MMS19: variants seen among roughly 807,000 people sequenced by gnomAD.
The protein encoded by MMS19 is MMS19 nucleotide excision repair protein homolog.
MMS19 carries 77 observed loss-of-function variants against 129.8 expected under a neutral mutation model. The observed-to-expected ratio is 0.59, with a 90% CI of 0.49 to 0.72. The LOEUF (loss-of-function observed/expected upper bound fraction) is 0.72, where lower values mean the gene tolerates loss of function less well. Among genes scored for constraint, MMS19 ranks in the 30% least tolerant of loss-of-function variants. MMS19 has a pLI of 0.00. For synonymous variants in MMS19, 491 were observed against 502.8 expected (o/e 0.98, Z 0.31); for missense variants, 1,168 against 1,266.3 (o/e 0.92, Z 1.18).
chr10:97,490,978 C>A (rs987402344), intron 1 of MMS19, among the ~76,000 whole-genome samples: 7 of 152,180 alleles, frequency 4.6e-5, no homozygotes, highest in Admixed American at 4.6e-4. Flanking sequence ...GGGTTCTATA[C>A]CCAATTCCTT....
intron 1 of MMS19, among the ~76,000 whole-genome samples, chr10:97,493,085 C>T (rs1330956754): frequency 2.0e-5 from 3 of 151,872 alleles, no homozygotes; most frequent in African/African-American, 7.3e-5. Context: ...ATCTTTGGCT[C>T]AATGTAACCT....
At chr10:97,475,750 C>A (rs2035639048) in intron 8 of MMS19, among the ~76,000 whole-genome samples, 1 of 151,786 alleles carries the variant, frequency 6.6e-6, no homozygotes. Flanking sequence ...AAAGCAAAAA[C>A]CAAACCAAAA....
chr10:97,473,238 G>T (rs2035100965), intron 8 of MMS19, among the ~76,000 whole-genome samples: 1 of 151,894 alleles, frequency 6.6e-6, no homozygotes, highest in African/African-American at 2.4e-5. Context: ...ATTCCACCAT[G>T]TTGGTCAGGC....
chr10:97,461,230 A>G, intron 23 of MMS19: 2 of 605,736 alleles, frequency 3.3e-6, no homozygotes, highest in Non-Finnish European at 5.8e-6. Flanking sequence ...CTTCCAATAA[A>G]GAATTATCCA....
chr10:97,458,979 A>G (rs920936894), intron 29 of MMS19, 79 bp from the exon 30 acceptor site: 51 of 1,409,016 alleles, frequency 3.6e-5, no homozygotes, highest in African/African-American at 5.7e-5. Context: ...TGTACAACTA[A>G]TATTCTGAGG....
Position 97,458,512 on chromosome 10 carries a change from C to A in MMS19, c.*180G>T, listed in dbSNP as rs564647311. Reference sequence around the variant, plus strand: ...TCTCACACACACTTATTTTACAAATCCACTAGAAATATGGACTCTTATGTT... The same window carrying A: ...TCTCACACACACTTATTTTACAAATACACTAGAAATATGGACTCTTATGTT... On this transcript the variant is annotated 3_prime_UTR_variant, in exon 31 of 31. Coordinates refer to ENST00000438925, the MANE Select transcript of MMS19 (RefSeq NM_022362.5). 45 of 619,614 alleles carry A rather than the reference C, an allele frequency of 7.3e-5. 1 individual carries two copies. The East Asian group carries it at 1.0e-3, about 14-fold the overall frequency. 38.4% of individuals were successfully genotyped at this position (619,614 alleles called of 1,614,324 possible).
At chr10:97,491,606 A>G (rs1358190377) in intron 1 of MMS19, among the ~76,000 whole-genome samples, 1 of 152,252 alleles carries the variant, frequency 6.6e-6, no homozygotes, top group Non-Finnish European at 1.5e-5. Flanking sequence ...CAGAGGTTGC[A>G]GTGAGCCGAA....
At chr10:97,492,391 T>A (rs1331084710) in intron 1 of MMS19, among the ~76,000 whole-genome samples, 1 of 150,566 alleles carries the variant, frequency 6.6e-6, no homozygotes, top group Non-Finnish European at 1.5e-5. Context: ...AGGAGAATGG[T>A]GTGATCCCAG....
At position 97,458,648 on chromosome 10, in the gene MMS19, T is replaced by C. The variant is rs1163130187; in HGVS notation, c.*44A>G. Reference sequence around the variant, plus strand: ...GGGAAGATGGCTCAACAGTTAGTAATCCCAGGTTAGATTGTCAGAACAGTC... The same window carrying C: ...GGGAAGATGGCTCAACAGTTAGTAACCCCAGGTTAGATTGTCAGAACAGTC... On this transcript the variant is annotated 3_prime_UTR_variant, in exon 31 of 31. Coordinates refer to ENST00000438925, the MANE Select transcript of MMS19 (RefSeq NM_022362.5). 1 of 1,570,746 alleles carries C rather than the reference T, an allele frequency of 6.4e-7. No homozygotes were observed. The highest frequency in any genetic ancestry group is 1.4e-5 in the African/African-American group (1 of 73,694).
rs1274539146 is a variant in MMS19, at chr10:97,460,938, CAG to C, written c.2379_2380del (p.Cys794SerfsTer2). 2 of 1,582,822 alleles carry C rather than the reference CAG, an allele frequency of 1.3e-6. No individual in the cohort carries two copies. Among genetic ancestry groups the C allele is most frequent in the Non-Finnish European group, 1.7e-6 (2 of 1,163,922 alleles). On this transcript the variant is annotated frameshift_variant, in exon 24 of 31. Coordinates refer to ENST00000438925, the MANE Select transcript of MMS19 (RefSeq NM_022362.5). LOFTEE classifies it high-confidence loss of function. ...AAGAAGAGTGAAGGCCTGACTACGA[CAG>C]GGCCCAGAGCCCAGGCCAGCCTCCA... is the stretch of plus-strand genomic sequence containing the variant.
chr10:97,484,519 G>A (rs1431092394), intron 1 of MMS19, among the ~76,000 whole-genome samples: 1 of 151,914 alleles, frequency 6.6e-6, no homozygotes, highest in African/African-American at 2.4e-5. Flanking sequence ...ATGATATAAG[G>A]AAAAAGACCC....
At chr10:97,482,223 G>A (rs1181157274) in intron 2 of MMS19, among the ~76,000 whole-genome samples, 1 of 152,128 alleles carries the variant, frequency 6.6e-6, no homozygotes, top group Middle Eastern at 3.2e-3. Context: ...ATTTAAAAAT[G>A]GAACAAGGCA....
intron 5 of MMS19, among the ~76,000 whole-genome samples, 183 bp downstream of exon 5, chr10:97,477,672 A>T (rs2036001427): frequency 1.3e-5 from 2 of 152,226 alleles, no homozygotes; most frequent in Non-Finnish European, 2.9e-5. Flanking sequence ...ATCTAATGGC[A>T]TGCACCCCTT....
chr10:97,472,162 A>G (rs186632776), intron 8 of MMS19, among the ~76,000 whole-genome samples: 5 of 152,228 alleles, frequency 3.3e-5, no homozygotes, highest in African/African-American at 1.2e-4. Flanking sequence ...AGAGAGGAAG[A>G]AAAAAATGGT....
intron 8 of MMS19, among the ~76,000 whole-genome samples, chr10:97,474,169 C>T (rs1161301442): frequency 6.6e-6 from 1 of 151,078 alleles, no homozygotes; most frequent in Non-Finnish European, 1.5e-5. Context: ...AAAAGTTTGC[C>T]AACCTCTTCT....
At chr10:97,498,428 G>C (rs1421977875), upstream of MMS19, 39 of 1,559,514 alleles carry the variant, frequency 2.5e-5, no homozygotes, top group Non-Finnish European at 3.4e-5. Context: ...GCGGTGGCTC[G>C]AGACGGGCTC....
At position 97,461,491 on chromosome 10, in the gene MMS19, A is replaced by C. The variant is rs376342453; in HGVS notation, c.2311+5T>G. 1.1e-5 allele frequency: 18 copies of C among 1,607,002 alleles called. No individual in the cohort carries two copies. Among genetic ancestry groups the C allele is most frequent in the Non-Finnish European group, 1.4e-5 (17 of 1,176,812 alleles). The stretch of plus-strand genomic sequence containing the variant: ...GAGGCTCCTTACATAGTCTGATCTC[A>C]GTACCTGCAGGGTGCTTGTTGAGGA... On this transcript the variant is annotated splice_donor_5th_base_variant and intron_variant, in intron 23 of 30. Coordinates refer to ENST00000438925, the MANE Select transcript of MMS19 (RefSeq NM_022362.5).
At chr10:97,481,489 GA>G (rs558506960) in intron 2 of MMS19, among the ~76,000 whole-genome samples, 8 of 151,642 alleles carry the variant, frequency 5.3e-5, no homozygotes, top group Non-Finnish European at 1.0e-4. Context: ...TAATGCTAAG[GA>G]AAAAAAATTG....
intron 1 of MMS19, among the ~76,000 whole-genome samples, chr10:97,486,360 T>C (rs965462567): frequency 6.6e-6 from 1 of 152,156 alleles, no homozygotes; most frequent in African/African-American, 2.4e-5. Context: ...TTTTATTTTT[T>C]AGTAGAGATG....
Sources: allele counts gnomAD v4.1 joint callset (sites outside exome capture counted in the v4.1 genomes callset), GRCh38; gene constraint gnomAD v4.1.1; transcripts MANE v1.5; gene names NCBI Gene and HGNC (gene_info 2026-07-23, HGNC 2026-07-21).